The following CREB5 variants were observed in gnomAD, a reference collection of about 807,000 sequenced individuals.
CREB5 encodes cyclic AMP-responsive element-binding protein 5.
A neutral mutation model predicts 57.1 loss-of-function variants in CREB5; 19 were observed. The observed-to-expected ratio is 0.33, with a 90% confidence interval of 0.23 to 0.49. The LOEUF (loss-of-function observed/expected upper bound fraction) is 0.49. Ranked by LOEUF, CREB5 falls within the 20% of genes least tolerant of loss-of-function variation. CREB5 has a pLI of 0.99. For synonymous variants in CREB5, 238 were observed against 238.3 expected, an observed-to-expected ratio of 1.00 and a Z score of 0.01; for missense variants, 579 against 671.6, an observed-to-expected ratio of 0.86 and a Z score of 1.52.
At chr7:28,757,250 A>G (rs1210874249) in intron 7 of CREB5, among the ~76,000 whole-genome samples, 6 of 152,256 alleles carry the variant, frequency 3.9e-5, no homozygotes, top group Admixed American at 3.3e-4. Context: ...TGGTTTACCC[A>G]AAGTCACACA....
intron 4 of CREB5, among the ~76,000 whole-genome samples, chr7:28,525,201 C>T (rs1227195444): frequency 6.6e-6 from 1 of 151,918 alleles, no homozygotes; most frequent in Non-Finnish European, 1.5e-5. Flanking sequence ...GTATATATAC[C>T]ACATTTTCTT....
At chr7:28,476,247 T>C (rs191292132) in intron 1 of CREB5, among the ~76,000 whole-genome samples, 1 of 152,330 alleles carries the variant, frequency 6.6e-6, no homozygotes, top group African/African-American at 2.4e-5. Context: ...TGCTGGATTA[T>C]CAGAGAATCA....
chr7:28,512,388 T>C (rs1792746713), intron 4 of CREB5, among the ~76,000 whole-genome samples: 1 of 152,140 alleles, frequency 6.6e-6, no homozygotes, highest in South Asian at 2.1e-4. Context: ...CTCCCCTCCG[T>C]GGTCAGAGAC....
rs367853221 is a variant in CREB5, at chr7:28,795,755, C to CTT, written c.703-8430_703-8429dup. Among the ~76,000 whole-genome samples, 1,262 of 137,500 alleles carry CTT rather than the reference C, an allele frequency of 9.2e-3. 32 individuals are homozygous for CTT. Among genetic ancestry groups the CTT allele is most frequent in the African/African-American group, 0.032 (1,192 of 36,830 alleles). 90.2% of individuals were successfully genotyped at this position (137,500 alleles called of 152,430 possible). A position where few individuals can be genotyped will look rare whatever the true frequency, so the allele number is the denominator to read the frequency against. On this transcript the variant is annotated intron_variant, in intron 7 of 10. Coordinates refer to ENST00000357727, the MANE Select transcript of CREB5 (RefSeq NM_182898.4). ...AAAATAAAATTAACTGTTTTTCTTT[C>CTT]TTTTTTTTTTTTTTTGAGACAGTAT... is the stretch of plus-strand genomic sequence containing the variant.
chr7:28,682,685 G>T (rs964137981), intron 5 of CREB5, among the ~76,000 whole-genome samples: 1 of 146,970 alleles, frequency 6.8e-6, no homozygotes. Context: ...CTAAAAGTGG[G>T]GGGGGGGGGA....
chr7:28,514,957 T>C (rs1792882702), intron 4 of CREB5, among the ~76,000 whole-genome samples: 1 of 73,592 alleles, frequency 1.4e-5, no homozygotes, highest in South Asian at 6.4e-4. Flanking sequence ...AAGCTGGACG[T>C]TAATTTTGGG....
At chr7:28,514,317 T>C (rs1792839464) in intron 4 of CREB5, among the ~76,000 whole-genome samples, 1 of 152,236 alleles carries the variant, frequency 6.6e-6, no homozygotes, top group Non-Finnish European at 1.5e-5. Context: ...GAATGTCTCC[T>C]AGCCTGTGGC....
intron 1 of CREB5, among the ~76,000 whole-genome samples, chr7:28,364,458 C>A (rs144218726): frequency 7.2e-5 from 11 of 152,330 alleles, no homozygotes; most frequent in South Asian, 4.1e-4. Flanking sequence ...TATCTTCTAG[C>A]TAAATCCTCA....
chr7:28,663,433 G>C (rs2128714799), intron 5 of CREB5, among the ~76,000 whole-genome samples: 1 of 152,128 alleles, frequency 6.6e-6, no homozygotes, highest in South Asian at 2.1e-4. Context: ...TCAAACTCTT[G>C]GGCTCAAGAG....
At chr7:28,779,289 A>C (rs970759768) in intron 7 of CREB5, 1 of 152,230 alleles carries the variant, frequency 6.6e-6, no homozygotes, top group African/African-American at 2.4e-5. Context: ...GAGGAGAAGA[A>C]AGCAGGGCGG....
chr7:28,605,755 A>G (rs965926998), intron 5 of CREB5, among the ~76,000 whole-genome samples: 16 of 146,366 alleles, frequency 1.1e-4, no homozygotes, highest in African/African-American at 4.1e-4. Flanking sequence ...GTTTCACAAA[A>G]TTGAGATCAG....
chr7:28,417,914 C>T (rs1439935834), intron 1 of CREB5, among the ~76,000 whole-genome samples: 4 of 152,142 alleles, frequency 2.6e-5, no homozygotes, highest in Non-Finnish European at 5.9e-5. Flanking sequence ...AACTTTCAAA[C>T]GTGGGTGTTT....
intron 1 of CREB5, among the ~76,000 whole-genome samples, chr7:28,435,000 T>C (rs1788888877): frequency 6.6e-6 from 1 of 152,072 alleles, no homozygotes; most frequent in South Asian, 2.1e-4. Flanking sequence ...AATTAGATCA[T>C]ACGCACCTTA....
intron 5 of CREB5, among the ~76,000 whole-genome samples, chr7:28,590,070 A>G (rs1160602002): frequency 6.6e-6 from 1 of 152,016 alleles, no homozygotes; most frequent in African/African-American, 2.4e-5. Flanking sequence ...ACACTTTTAC[A>G]CTGTTGGTGG....
chr7:28,771,818 T>C (rs1056914263), intron 7 of CREB5, among the ~76,000 whole-genome samples: 1 of 152,146 alleles, frequency 6.6e-6, no homozygotes. Context: ...GGCCAATCTC[T>C]CAGGAGAAGA....
chr7:28,771,073 A>C (rs1192838174), intron 7 of CREB5, among the ~76,000 whole-genome samples: 2 of 152,156 alleles, frequency 1.3e-5, no homozygotes, highest in East Asian at 3.9e-4. Flanking sequence ...TAAAGCTGTA[A>C]TTTTTTTAAG....
At chr7:28,445,118 A>G (rs929582869) in intron 1 of CREB5, among the ~76,000 whole-genome samples, 1 of 152,196 alleles carries the variant, frequency 6.6e-6, no homozygotes, top group African/African-American at 2.4e-5. Context: ...TCCCCTGCAC[A>G]TACTCTCTTG....
intron 4 of CREB5, among the ~76,000 whole-genome samples, chr7:28,522,932 T>C (rs1399394170): frequency 1.3e-5 from 2 of 152,166 alleles, no homozygotes; most frequent in African/African-American, 4.8e-5. Flanking sequence ...CAACCAAGCA[T>C]GGGAATCCTC....
At chr7:28,481,395 G>A (rs1453506210) in intron 1 of CREB5, among the ~76,000 whole-genome samples, 1 of 152,180 alleles carries the variant, frequency 6.6e-6, no homozygotes, top group Non-Finnish European at 1.5e-5. Flanking sequence ...GCAGTGTTAT[G>A]TGTCAAGTTC....
Sources: allele counts gnomAD v4.1 joint callset (sites outside exome capture counted in the v4.1 genomes callset), GRCh38; gene constraint gnomAD v4.1.1; transcripts MANE v1.5; gene names NCBI Gene and HGNC (gene_info 2026-07-23, HGNC 2026-07-21).